Variants in PITPNC1 observed in about 807,000 individuals in gnomAD.
PITPNC1 encodes the protein cytoplasmic phosphatidylinositol transfer protein 1.
In PITPNC1, 18 loss-of-function variants were observed where a neutral mutation model predicts 44.7. The observed-to-expected ratio is 0.40, with a 90% confidence interval of 0.28 to 0.60. The LOEUF (loss-of-function observed/expected upper bound fraction) is 0.60. Ranked by LOEUF, PITPNC1 falls within the 20% of genes least tolerant of loss-of-function variation. The probability of loss-of-function intolerance (pLI) is 0.39; values close to 1 mark genes in which losing one functional copy is unlikely to be tolerated. For missense variants in PITPNC1, 290 were observed against 418.4 expected (o/e 0.69, Z 2.68); for synonymous variants, 141 against 149.6 (o/e 0.94, Z 0.42).
At chr17:67,598,389 G>C (rs1165184347) in intron 5 of PITPNC1, among the ~76,000 whole-genome samples, 3 of 152,208 alleles carry the variant, frequency 2.0e-5, no homozygotes, top group African/African-American at 7.2e-5. Context: ...ACTAAGGCGA[G>C]GAATTTTTTT....
intron 1 of PITPNC1, among the ~76,000 whole-genome samples, chr17:67,394,321 G>C (rs961202652): frequency 6.6e-6 from 1 of 152,076 alleles, no homozygotes; most frequent in Non-Finnish European, 1.5e-5. Flanking sequence ...GAGCCACCAA[G>C]CCTGGCCTTC....
chr17:67,463,585 G>A (rs776215751), intron 1 of PITPNC1, among the ~76,000 whole-genome samples: 2 of 152,116 alleles, frequency 1.3e-5, no homozygotes, highest in Admixed American at 6.6e-5. Flanking sequence ...ATGTGAATTC[G>A]GTAGTAAAAA....
intron 5 of PITPNC1, among the ~76,000 whole-genome samples, chr17:67,617,643 G>A (rs1406525047): frequency 6.6e-6 from 1 of 152,212 alleles, no homozygotes; most frequent in Non-Finnish European, 1.5e-5. Context: ...CCCAGGTCAA[G>A]GTCAGGCTCT....
chr17:67,548,670 G>GAATA (rs1568035974), intron 2 of PITPNC1, among the ~76,000 whole-genome samples: 1 of 152,160 alleles, frequency 6.6e-6, no homozygotes, highest in Non-Finnish European at 1.5e-5. Flanking sequence ...GCATCTGGGG[G>GAATA]AATATGATGC....
chr17:67,619,151 T>C (rs1349297910), intron 5 of PITPNC1, among the ~76,000 whole-genome samples: 1 of 152,164 alleles, frequency 6.6e-6, no homozygotes, highest in Non-Finnish European at 1.5e-5. Flanking sequence ...CTAGAGGATA[T>C]GCTTTATGCC....
chr17:67,685,294 C>T (rs1485428751), intron 8 of PITPNC1, among the ~76,000 whole-genome samples: 4 of 152,230 alleles, frequency 2.6e-5, no homozygotes, highest in African/African-American at 7.2e-5. Flanking sequence ...TTGATACTTA[C>T]ATTGCTTATG....
At chr17:67,594,983 A>G (rs2041441506) in intron 5 of PITPNC1, among the ~76,000 whole-genome samples, 1 of 152,200 alleles carries the variant, frequency 6.6e-6, no homozygotes, top group Non-Finnish European at 1.5e-5. Flanking sequence ...TAACAACTTT[A>G]CAAATGAAAC....
intron 1 of PITPNC1, among the ~76,000 whole-genome samples, chr17:67,485,370 A>AT (rs56863875): frequency 0.046 from 5,673 of 122,138 alleles, 293 homozygotes; most frequent in African/African-American, 0.13. Context: ...TAGTTGGGTG[A>AT]TTTTTTTTTT....
At chr17:67,512,509 A>AAAC (rs1568020994) in intron 1 of PITPNC1, among the ~76,000 whole-genome samples, 2 of 133,292 alleles carry the variant, frequency 1.5e-5, no homozygotes, top group African/African-American at 5.3e-5. Flanking sequence ...TCAAAAAAAA[A>AAAC]AAAAAAAAAA....
intron 1 of PITPNC1, among the ~76,000 whole-genome samples, chr17:67,507,720 T>C (rs1013423836): frequency 6.9e-6 from 1 of 145,872 alleles, no homozygotes; most frequent in African/African-American, 2.5e-5. Context: ...AGTAGAACTG[T>C]GTTATTGAAG....
At chr17:67,426,991 C>G (rs1253684859) in intron 1 of PITPNC1, among the ~76,000 whole-genome samples, 2 of 152,114 alleles carry the variant, frequency 1.3e-5, no homozygotes, top group African/African-American at 2.4e-5. Context: ...ATGCACCTCT[C>G]CTTTGCAGCA....
At chr17:67,659,393 C>T (rs1471505228) in intron 6 of PITPNC1, among the ~76,000 whole-genome samples, 1 of 152,182 alleles carries the variant, frequency 6.6e-6, no homozygotes, top group Admixed American at 6.5e-5. Context: ...CATCTGAGAC[C>T]TGGTTGAGCA....
intron 2 of PITPNC1, among the ~76,000 whole-genome samples, chr17:67,543,962 C>T (rs1300009414): frequency 6.6e-6 from 1 of 152,118 alleles, no homozygotes; most frequent in East Asian, 1.9e-4. Context: ...GCGATTCTCC[C>T]GCCTCAGCCT....
At chr17:67,691,325 G>A (rs1015851759) in intron 8 of PITPNC1, among the ~76,000 whole-genome samples, 1 of 152,114 alleles carries the variant, frequency 6.6e-6, no homozygotes. Context: ...TTTAAATACT[G>A]TTTTTACTTT....
chr17:67,672,124 G>A lies in PITPNC1; in HGVS notation c.618+2461G>A, dbSNP rs566967385. Among the ~76,000 whole-genome samples the A allele has an allele frequency of 2.2e-4, 34 of 151,804 alleles. No individual in the cohort carries two copies. The East Asian group carries it at 6.5e-3, about 29-fold the overall frequency. On this transcript the variant is annotated intron_variant, in intron 7 of 8. Coordinates refer to ENST00000581322, the MANE Select transcript of PITPNC1 (RefSeq NM_012417.4). ...AACTTTTGTATTATTAGTAGAGACG[G>A]GGTTTCACCATGTTAGCCAGGCCAG...
chr17:67,660,186 T>C (rs143744855), intron 6 of PITPNC1, among the ~76,000 whole-genome samples: 2 of 152,326 alleles, frequency 1.3e-5, no homozygotes, highest in East Asian at 3.9e-4. Context: ...TGCTATGCCA[T>C]AAATCTATCC....
intron 8 of PITPNC1, among the ~76,000 whole-genome samples, chr17:67,682,413 A>C (rs544117680): frequency 5.9e-5 from 9 of 152,270 alleles, no homozygotes; most frequent in African/African-American, 2.2e-4. Context: ...GCCTCAGCCC[A>C]GTCACTGGCA....
intron 1 of PITPNC1, among the ~76,000 whole-genome samples, chr17:67,422,251 G>GTC: frequency 6.6e-6 from 1 of 152,292 alleles, no homozygotes; most frequent in Admixed American, 6.5e-5. Context: ...CTTTGACATT[G>GTC]TCTACTTACC....
chr17:67,502,997 T>C (rs1021929469), intron 1 of PITPNC1, among the ~76,000 whole-genome samples: 10 of 152,070 alleles, frequency 6.6e-5, no homozygotes, highest in African/African-American at 2.4e-4. Context: ...GGTCTCACCA[T>C]GTTGGCCAGG....
Sources: gnomAD v4.1 joint callset for allele counts (sites outside exome capture counted in the v4.1 genomes callset) on GRCh38, gnomAD v4.1.1 for gene constraint, MANE v1.5 for transcripts, NCBI Gene and HGNC (gene_info 2026-07-23, HGNC 2026-07-21) for gene names.